Variants in AFF3 observed in about 807,000 individuals in gnomAD.
AFF3 encodes the protein AF4/FMR2 family member 3.
Under a neutral mutation model 129.7 loss-of-function variants are expected in AFF3, and 32 were observed. That is an observed-to-expected ratio of 0.25 (90% CI 0.19 to 0.33). The LOEUF (loss-of-function observed/expected upper bound fraction) is 0.33, where lower values mean the gene tolerates loss of function less well. Ranked by LOEUF, AFF3 falls within the 10% of genes least tolerant of loss-of-function variation. The pLI, the probability that AFF3 is intolerant of heterozygous loss-of-function variation, is 1.00. For synonymous variants in AFF3, 644 were observed against 635.4 expected (o/e 1.01, Z -0.20); for missense variants, 1,373 against 1,592.0 (o/e 0.86, Z 2.34).
intron 9 of AFF3, among the ~76,000 whole-genome samples, chr2:99,748,407 T>C (rs1226186441): frequency 3.9e-5 from 6 of 152,180 alleles, no homozygotes; most frequent in Non-Finnish European, 7.3e-5. Flanking sequence ...GATTCTCTAC[T>C]AGGCTTTTTA....
chr2:99,683,606 C>T (rs1283823316), intron 11 of AFF3, among the ~76,000 whole-genome samples: 2 of 152,042 alleles, frequency 1.3e-5, no homozygotes, highest in Non-Finnish European at 2.9e-5. Context: ...GCCCACCATG[C>T]CTGGCTAATT....
chr2:99,606,692 A>C (rs1158496399), intron 13 of AFF3, among the ~76,000 whole-genome samples: 4 of 151,486 alleles, frequency 2.6e-5, no homozygotes, highest in Admixed American at 6.6e-5. Context: ...CCGAGGCGGG[A>C]GGATCACGAA....
intron 9 of AFF3, 139 bp from the exon 10 acceptor site, chr2:99,744,279 A>G: frequency 1.5e-6 from 1 of 651,182 alleles, no homozygotes; most frequent in East Asian, 3.0e-5. Context: ...AATGAGAAAC[A>G]TATACATGAA....
chr2:99,780,279 C>T (rs887632478), intron 8 of AFF3, among the ~76,000 whole-genome samples: 1 of 152,138 alleles, frequency 6.6e-6, no homozygotes, highest in East Asian at 1.9e-4. Flanking sequence ...CTCAGTTTCC[C>T]GCCTACTGAA....
At chr2:100,037,883 A>G (rs560677609) in intron 4 of AFF3, among the ~76,000 whole-genome samples, 3 of 145,662 alleles carry the variant, frequency 2.1e-5, no homozygotes, top group East Asian at 2.0e-4. Flanking sequence ...GTGGGTGTGT[A>G]TATATATATA....
chr2:99,661,121 T>C (rs1198483787), intron 12 of AFF3, among the ~76,000 whole-genome samples: 1 of 152,054 alleles, frequency 6.6e-6, no homozygotes, highest in Non-Finnish European at 1.5e-5. Flanking sequence ...TCTTGTAGGG[T>C]TTCACTTCCT....
chr2:100,011,309 C>CT (rs1341438284), intron 4 of AFF3, among the ~76,000 whole-genome samples: 1 of 152,132 alleles, frequency 6.6e-6, no homozygotes, highest in African/African-American at 2.4e-5. Flanking sequence ...TGCATCATAA[C>CT]TCTCCCCTTT....
chr2:99,636,784 C>T (rs535298486), intron 13 of AFF3, among the ~76,000 whole-genome samples: 18 of 152,236 alleles, frequency 1.2e-4, no homozygotes, highest in Admixed American at 6.5e-4. Context: ...AAGGTCAGGC[C>T]GCCCCAGTGA....
At chr2:99,830,420 A>G (rs1688432237) in intron 8 of AFF3, among the ~76,000 whole-genome samples, 1 of 152,350 alleles carries the variant, frequency 6.6e-6, no homozygotes, top group South Asian at 2.1e-4. Context: ...CTGCAAAGCA[A>G]AAATTGTAAG....
At chr2:100,016,365 GATGGTGATGGTGGTGGTTGTGATA>G in intron 4 of AFF3, among the ~76,000 whole-genome samples, 1 of 151,402 alleles carries the variant, frequency 6.6e-6, no homozygotes, top group Middle Eastern at 3.4e-3. Context: ...TGGTGGTAGT[GATGGTGATGGTGGTGGTTGTGATA>G]ATGGTGATGG....
chr2:99,942,219 C>G (rs911523653), intron 7 of AFF3, among the ~76,000 whole-genome samples: 1 of 152,118 alleles, frequency 6.6e-6, no homozygotes, highest in Non-Finnish European at 1.5e-5. Context: ...AGGACACACT[C>G]AGGAAGTAGT....
intron 8 of AFF3, among the ~76,000 whole-genome samples, chr2:99,805,439 G>A (rs191268804): frequency 5.7e-4 from 86 of 152,192 alleles, no homozygotes; most frequent in Admixed American, 3.7e-3. Context: ...CTGGCCTTGC[G>A]TTGTTCAGAC....
rs556705312 is a variant in AFF3, at chr2:99,825,127, T to C, written c.921+12350A>G. On this transcript the variant is annotated intron_variant, in intron 8 of 24. Coordinates refer to ENST00000672756, the MANE Select transcript of AFF3 (RefSeq NM_001386135.1). The stretch of plus-strand genomic sequence containing the variant: ...AAGAATGGCACATCCACACATCAGA[T>C]TTATCAGAACGTATAAAACGATGGA... Among the ~76,000 whole-genome samples, 4 of 152,328 alleles carry C rather than the reference T, an allele frequency of 2.6e-5. No individual in the cohort carries two copies. The East Asian group carries it at 7.7e-4, about 29-fold the overall frequency.
intron 4 of AFF3, among the ~76,000 whole-genome samples, chr2:100,103,767 G>C (rs1690961533): frequency 6.6e-6 from 1 of 152,000 alleles, no homozygotes; most frequent in African/African-American, 2.4e-5. Flanking sequence ...GACGAGGTGT[G>C]AAGAAAGGGC....
At chr2:99,674,892 T>C (rs1687474443) in intron 11 of AFF3, among the ~76,000 whole-genome samples, 2 of 152,160 alleles carry the variant, frequency 1.3e-5, no homozygotes, top group African/African-American at 4.8e-5. Context: ...TGTGTGAGGC[T>C]CTCTTTCAAG....
Position 99,550,711 on chromosome 2 carries a change from G to A in AFF3, c.*763C>T, listed in dbSNP as rs552262707. 3.0e-5 allele frequency: 7 copies of A among 232,902 alleles called. No individual in the cohort carries two copies. Among genetic ancestry groups the A allele is most frequent in the East Asian group, 6.1e-5 (1 of 16,524 alleles). 14.4% of individuals were successfully genotyped at this position (232,902 alleles called of 1,614,324 possible). ...TTAGTGTCTGTTAACTTTCAAAGAC[G>A]CCGCGTTTTTGCTAAATCTCAGTGC... On this transcript the variant is annotated 3_prime_UTR_variant, in exon 25 of 25. Transcript: ENST00000672756.
intron 7 of AFF3, among the ~76,000 whole-genome samples, chr2:99,991,170 T>C (rs902614110): frequency 6.6e-6 from 1 of 152,128 alleles, no homozygotes; most frequent in African/African-American, 2.4e-5. Context: ...TAAAAATAAT[T>C]TCACTTCAAA....
In AFF3 at chr2:99,594,005, C is replaced by T. The variant is rs532966986; in HGVS notation, c.1656G>A (p.Ala552=). Residue 552 remains alanine, a synonymous_variant, in exon 15 of 25, where the codon GCG becomes GCA. Coordinates refer to ENST00000672756, the MANE Select transcript of AFF3 (RefSeq NM_001386135.1). Reference sequence around the variant, plus strand: ...CTGCGCTCACCGCCACGGCCACGGCCGCGGGCGGGGACTTCTGCTTCACGC... The same window carrying T: ...CTGCGCTCACCGCCACGGCCACGGCTGCGGGCGGGGACTTCTGCTTCACGC... The part of the protein sequence containing the change: ...SKGVKQKSPP[A]AVAVAVSAAA... 3.9e-6 allele frequency: 6 copies of T among 1,557,570 alleles called. 1 individual carries two copies. The highest frequency in any genetic ancestry group is 3.5e-4 in the Middle Eastern group (2 of 5,788).
chr2:99,589,397 A>AT (rs55888825), intron 15 of AFF3, among the ~76,000 whole-genome samples: 47,607 of 101,896 alleles, frequency 0.47, 12,494 homozygotes, highest in East Asian at 0.62. Context: ...AGATGTCAAC[A>AT]TTTTTTTTTT....
Sources: allele counts gnomAD v4.1 joint callset (sites outside exome capture counted in the v4.1 genomes callset), GRCh38; gene constraint gnomAD v4.1.1; transcripts MANE v1.5; gene names NCBI Gene and HGNC (gene_info 2026-07-23, HGNC 2026-07-21).